The following HHLA2 variants were observed in gnomAD, a reference collection of about 807,000 sequenced individuals.
HHLA2 encodes HHLA2 member of B7 family, also known as HERV-H LTR-associating protein 2.
Under a neutral mutation model 45.9 loss-of-function variants are expected in HHLA2, and 48 were observed. The ratio of observed to expected loss-of-function variants is 1.05; its 90% CI spans 0.83 to 1.33. The LOEUF is 1.33. Among genes scored for constraint, HHLA2 ranks in the 40% most tolerant of loss-of-function variants. The pLI, the probability that HHLA2 is intolerant of heterozygous loss-of-function variation, is 0.00. For synonymous variants in HHLA2, 161 were observed against 173.9 expected, an observed-to-expected ratio of 0.93 and a Z score of 0.59; for missense variants, 462 against 494.3, an observed-to-expected ratio of 0.93 and a Z score of 0.62.
chr3:108,327,330 A>G (rs1023578802), intron 2 of HHLA2, among the ~76,000 whole-genome samples: 3 of 152,136 alleles, frequency 2.0e-5, no homozygotes, highest in African/African-American at 7.2e-5. Flanking sequence ...TTTGAGGTTT[A>G]TAGGGCTTCT....
intron 3 of HHLA2, among the ~76,000 whole-genome samples, chr3:108,337,318 C>T (rs1011421908): frequency 2.0e-5 from 3 of 152,034 alleles, no homozygotes; most frequent in Non-Finnish European, 4.4e-5. Context: ...AGTTTACTGC[C>T]GCTTTGCTAC....
At chr3:108,338,095 A>G (rs1173107740) in intron 3 of HHLA2, among the ~76,000 whole-genome samples, 1 of 151,996 alleles carries the variant, frequency 6.6e-6, no homozygotes, top group Non-Finnish European at 1.5e-5. Context: ...GTATATATGT[A>G]GCGATACCTG....
At chr3:108,333,034 G>T (rs2081412978) in intron 3 of HHLA2, among the ~76,000 whole-genome samples, 1 of 152,148 alleles carries the variant, frequency 6.6e-6, no homozygotes, top group South Asian at 2.1e-4. Context: ...AGGCAGTAAG[G>T]CTCCTTTCTG....
chr3:108,376,280 G>C (rs9874204), intron 9 of HHLA2, among the ~76,000 whole-genome samples: 131,336 of 152,152 alleles, frequency 0.86, 58,195 homozygotes, highest in Non-Finnish European at 0.93. Context: ...TTTATTCCCC[G>C]GCTTTGGAGC....
chr3:108,350,402 C>G (rs1176889011), intron 3 of HHLA2, among the ~76,000 whole-genome samples: 1 of 152,056 alleles, frequency 6.6e-6, no homozygotes, highest in Non-Finnish European at 1.5e-5. Flanking sequence ...TTTTCAATAA[C>G]TTTCTTATAG....
At chr3:108,297,817 T>C (rs2080787500) in intron 1 of HHLA2, among the ~76,000 whole-genome samples, 1 of 152,196 alleles carries the variant, frequency 6.6e-6, no homozygotes, top group African/African-American at 2.4e-5. Flanking sequence ...AAATAGACCA[T>C]AGCTTAATAT....
chr3:108,299,084 C>T (rs895599681), intron 1 of HHLA2, among the ~76,000 whole-genome samples: 1 of 151,922 alleles, frequency 6.6e-6, no homozygotes, highest in Non-Finnish European at 1.5e-5. Flanking sequence ...TCTTTTTGTC[C>T]CATACTCTAT....
chr3:108,326,263 A>G, intron 2 of HHLA2: 1 of 168,936 alleles, frequency 5.9e-6, no homozygotes, highest in Non-Finnish European at 1.3e-5. Context: ...ATAAAGACAT[A>G]CTCAAGACTG....
intron 1 of HHLA2, among the ~76,000 whole-genome samples, chr3:108,308,649 T>C (rs925634925): frequency 6.6e-6 from 1 of 152,218 alleles, no homozygotes; most frequent in Non-Finnish European, 1.5e-5. Flanking sequence ...AGCATTCCCT[T>C]TTCTCCACAT....
At chr3:108,346,891 A>G (rs1214005007) in intron 3 of HHLA2, among the ~76,000 whole-genome samples, 1 of 152,138 alleles carries the variant, frequency 6.6e-6, no homozygotes, top group Non-Finnish European at 1.5e-5. Context: ...TCGCTATTTT[A>G]TGCTTGTAGA....
chr3:108,355,269 T>C lies in HHLA2; in HGVS notation c.573T>C (p.Asp191=), dbSNP rs924218477. 1.9e-6 allele frequency: 3 copies of C among 1,613,810 alleles called. No homozygotes were observed. In the African/African-American group the frequency reaches 4.0e-5, roughly 22 times the overall value. ...ACATGGAAGAAACAGGGTCTTTGGA[T>C]TCTTTTTCTATTAACAGCCCACTGA... The change falls in exon 6 of 11, where the codon GAT becomes GAC. Residue 191 remains aspartate, a synonymous_variant. Coordinates refer to ENST00000619531, the Ensembl canonical transcript of HHLA2.
intron 2 of HHLA2, 29 bp downstream of exon 2, chr3:108,310,770 CTA>C (rs1177089744): frequency 6.6e-6 from 1 of 152,536 alleles, no homozygotes; most frequent in African/African-American, 2.4e-5. Flanking sequence ...ATATTTTACT[CTA>C]TGTGTATAAA....
rs547638847 is a variant in HHLA2 at position 108,333,987 on chromosome 3, T to C, written c.-27+5640T>C. On this transcript the variant is annotated intron_variant, in intron 3 of 10. Coordinates refer to ENST00000619531, the Ensembl canonical transcript of HHLA2. The stretch of plus-strand genomic sequence containing the variant: ...CTTCAGGACCCAGAAGAATCTTTTC[T>C]TCCCATGGGAAGTAAATTGCGAAGG... Among the ~76,000 whole-genome samples, 3 of 152,208 alleles carry C rather than the reference T, an allele frequency of 2.0e-5. No individual in the cohort carries two copies. In the South Asian group the frequency reaches 6.2e-4, roughly 31 times the overall value.
At chr3:108,301,373 A>G (rs549283154) in intron 1 of HHLA2, among the ~76,000 whole-genome samples, 1 of 152,118 alleles carries the variant, frequency 6.6e-6, no homozygotes, top group Non-Finnish European at 1.5e-5. Context: ...ATGACTGAAT[A>G]CTAAGTATGT....
intron 3 of HHLA2, among the ~76,000 whole-genome samples, chr3:108,329,593 A>G (rs1359378724): frequency 2.0e-5 from 3 of 152,200 alleles, no homozygotes; most frequent in African/African-American, 7.2e-5. Context: ...GTATTGGCTC[A>G]TGATACTGGG....
At chr3:108,311,643 T>G (rs1324941428) in intron 2 of HHLA2, 1 of 152,188 alleles carries the variant, frequency 6.6e-6, no homozygotes, top group Non-Finnish European at 1.5e-5. Flanking sequence ...CTTTCAAGGT[T>G]GGTCTTTTCC....
At chr3:108,303,467 T>C (rs1297011205) in intron 1 of HHLA2, among the ~76,000 whole-genome samples, 1 of 152,220 alleles carries the variant, frequency 6.6e-6, no homozygotes, top group Non-Finnish European at 1.5e-5. Flanking sequence ...TTTTGTTTCC[T>C]CATATCTACA....
At chr3:108,305,192 C>G (rs2080909913) in intron 1 of HHLA2, among the ~76,000 whole-genome samples, 1 of 150,766 alleles carries the variant, frequency 6.6e-6, no homozygotes, top group African/African-American at 2.5e-5. Context: ...AAAACAGAAC[C>G]TGAGCAAGGA....
intron 2 of HHLA2, among the ~76,000 whole-genome samples, 191 bp downstream of exon 2, chr3:108,310,932 A>G (rs1284041772): frequency 1.3e-5 from 2 of 152,232 alleles, no homozygotes; most frequent in Non-Finnish European, 2.9e-5. Context: ...ATTCACCAAA[A>G]TGCACTATAA....
Sources: allele counts gnomAD v4.1 joint callset (sites outside exome capture counted in the v4.1 genomes callset), GRCh38; gene constraint gnomAD v4.1.1; transcripts MANE v1.5; gene names NCBI Gene and HGNC (gene_info 2026-07-23, HGNC 2026-07-21).